The following AFF4 variants were observed in gnomAD, a reference collection of about 807,000 sequenced individuals.
The protein encoded by AFF4 is AF4/FMR2 family member 4.
A neutral mutation model predicts 124.8 loss-of-function variants in AFF4; 13 were observed. That is an observed-to-expected ratio of 0.10 (90% CI 0.07 to 0.17). The LOEUF (loss-of-function observed/expected upper bound fraction) is 0.17. Among genes scored for constraint, AFF4 ranks in the 10% least tolerant of loss-of-function variants. The probability of loss-of-function intolerance (pLI) is 1.00; values close to 1 mark genes in which losing one functional copy is unlikely to be tolerated. For synonymous variants in AFF4, 477 were observed against 496.1 expected, an observed-to-expected ratio of 0.96 and a Z score of 0.51; for missense variants, 1,092 against 1,403.8, an observed-to-expected ratio of 0.78 and a Z score of 3.55.
At chr5:132,907,725 G>A (rs567674357) in intron 5 of AFF4, among the ~76,000 whole-genome samples, 136 of 151,910 alleles carry the variant, frequency 9.0e-4, no homozygotes, top group Non-Finnish European at 1.6e-3. Flanking sequence ...GAAATAAACT[G>A]GGAAAGGAAG....
intron 5 of AFF4, among the ~76,000 whole-genome samples, chr5:132,914,100 T>C (rs1447360849): frequency 2.0e-5 from 3 of 151,678 alleles, no homozygotes; most frequent in African/African-American, 4.8e-5. Flanking sequence ...TGGTAGTGTA[T>C]GCTTGTAATC....
At chr5:132,897,559 A>C (rs1760439815) in intron 10 of AFF4, among the ~76,000 whole-genome samples, 1 of 152,080 alleles carries the variant, frequency 6.6e-6, no homozygotes, top group African/African-American at 2.4e-5. Context: ...AAAATACAAA[A>C]ATTAGTCAGA....
chr5:132,938,041 G>A (rs1761472917), intron 1 of AFF4, among the ~76,000 whole-genome samples: 1 of 151,412 alleles, frequency 6.6e-6, no homozygotes, highest in Non-Finnish European at 1.5e-5. Context: ...CTGGCACTAG[G>A]GATTACCAGG....
intron 10 of AFF4, among the ~76,000 whole-genome samples, chr5:132,897,706 T>C (rs1760444573): frequency 1.3e-5 from 1 of 79,796 alleles, no homozygotes; most frequent in Admixed American, 1.2e-4. Context: ...TAAGACTCCA[T>C]CTTAAAAAAA....
chr5:132,956,786 C>G (rs966096521), intron 1 of AFF4, among the ~76,000 whole-genome samples: 6 of 151,658 alleles, frequency 4.0e-5, no homozygotes, highest in Non-Finnish European at 2.9e-5. Context: ...CTTTGGGAGG[C>G]TGAGGCAGGC....
intron 5 of AFF4, among the ~76,000 whole-genome samples, chr5:132,921,649 T>C (rs746598125): frequency 1.3e-5 from 2 of 152,042 alleles, no homozygotes; most frequent in African/African-American, 4.8e-5. Context: ...GTATTTTTTG[T>C]AGAGATGGGG....
chr5:132,936,222 G>A (rs1481405800), intron 2 of AFF4, among the ~76,000 whole-genome samples: 1 of 126,814 alleles, frequency 7.9e-6, no homozygotes, highest in Non-Finnish European at 1.5e-5. Flanking sequence ...AGCCCAGATC[G>A]CGCCACTGCA....
chr5:132,915,037 T>TAAAAA (rs915281872), intron 5 of AFF4, among the ~76,000 whole-genome samples: 1 of 150,794 alleles, frequency 6.6e-6, no homozygotes, highest in African/African-American at 2.4e-5. Context: ...AACAAACACT[T>TAAAAA]AAAAAAAAAT....
chr5:132,900,418 G>A (rs767500538), intron 7 of AFF4, among the ~76,000 whole-genome samples: 63 of 152,102 alleles, frequency 4.1e-4, no homozygotes, highest in Non-Finnish European at 8.8e-4. Context: ...TTAGCCTGGC[G>A]TGGTGGTGGG....
rs778042412 is a variant in AFF4, at chr5:132,934,963, TA to T, written c.124-23del. On this transcript the variant is annotated intron_variant, in intron 2 of 20. Transcript: ENST00000265343. ...TAGTCTACAAAAAAATAAAATAAAA[TA>T]AAATTATAAAATGAGCATAATCAGA... The T allele has an allele frequency of 1.0e-5, 15 of 1,460,290 alleles. No homozygotes were observed. In the East Asian group the frequency reaches 3.6e-4, roughly 35 times the overall value. The allele number at this position is 1,460,290 out of a possible 1,614,324, so 90.5% of individuals were successfully genotyped here.
chr5:132,958,540 T>C (rs1762011655), intron 1 of AFF4, among the ~76,000 whole-genome samples: 1 of 137,048 alleles, frequency 7.3e-6, no homozygotes, highest in Non-Finnish European at 1.6e-5. Flanking sequence ...ACAACTGGAG[T>C]GGGGTGAAGA....
At position 132,896,909 on chromosome 5, in the gene AFF4, G is replaced by A; in HGVS notation, c.1721C>T (p.Ala574Val). ...KKQPKKAEKA[A>V]AEEPRGGLKI... ...CAGGCCTCCACGAGGCTCTTCAGCAGCTGCCTTCTCAGCCTTTTTGGGTTG... is the reference window on the plus strand; with the variant it reads ...CAGGCCTCCACGAGGCTCTTCAGCAACTGCCTTCTCAGCCTTTTTGGGTTG... The change falls in exon 11 of 21, where the codon GCT (alanine) becomes GTT (valine). Residue 574 changes from alanine (A) to valine (V), a missense_variant. Physicochemically the swap from Ala to Val is moderately conservative, Grantham distance 64. Coordinates refer to ENST00000265343, the MANE Select transcript of AFF4 (RefSeq NM_014423.4). 1.9e-6 allele frequency: 3 copies of A among 1,614,172 alleles called. No individual in the cohort carries two copies. The highest frequency in any genetic ancestry group is 2.5e-6 in the Non-Finnish European group (3 of 1,180,034).
chr5:132,896,327 T>C lies in AFF4; in HGVS notation c.2303A>G (p.His768Arg), dbSNP rs144628972. Residue 768 changes from histidine to arginine, a missense_variant, in exon 11 of 21, where the codon CAT becomes CGT. Physicochemically the swap from His to Arg is conservative, Grantham distance 29 (BLOSUM62 0). This residue lies in a region of AFF4 where 293 missense variants were observed against 280.2 expected (regional missense o/e 1.05). Transcript: ENST00000265343. ...CAACAAAAACCCTTCACAAACCTTATGCTTCCTCTTGCCTTTGTTGGAAAC... is the reference window on the plus strand; with the variant it reads ...CAACAAAAACCCTTCACAAACCTTACGCTTCCTCTTGCCTTTGTTGGAAAC... ...EKVSNKGKRK[H>R]KNEDDNRASE... 3.8e-6 allele frequency: 6 copies of C among 1,586,386 alleles called. No individual in the cohort carries two copies. The highest frequency in any genetic ancestry group is 2.3e-5 in the South Asian group (2 of 85,638).
rs1402658244 is a variant in AFF4, at chr5:132,880,824, A to G, written c.*235T>C. The G allele has an allele frequency of 2.7e-6, 1 of 372,790 alleles. No individual in the cohort carries two copies. Among genetic ancestry groups the G allele is most frequent in the African/African-American group, 2.1e-5 (1 of 48,106 alleles). 23.1% of individuals were successfully genotyped at this position (372,790 alleles called of 1,614,324 possible). Reference sequence around the variant, plus strand: ...AATCTTATCATAGCTCACGGAAACCATCTTATCAATGTGCTGCAGATTTAA... The same window carrying G: ...AATCTTATCATAGCTCACGGAAACCGTCTTATCAATGTGCTGCAGATTTAA... On this transcript the variant is annotated 3_prime_UTR_variant, in exon 21 of 21. Coordinates refer to ENST00000265343, the MANE Select transcript of AFF4 (RefSeq NM_014423.4).
intron 14 of AFF4, 81 bp from the exon 15 acceptor site, chr5:132,888,241 G>C (rs137880200): frequency 9.7e-7 from 1 of 1,027,008 alleles, no homozygotes; most frequent in Non-Finnish European, 1.4e-6. Context: ...GTATCCCTCA[G>C]TTTTTATGTC....
intron 5 of AFF4, among the ~76,000 whole-genome samples, chr5:132,909,183 T>C (rs1370309077): frequency 2.6e-5 from 4 of 151,506 alleles, no homozygotes; most frequent in African/African-American, 4.8e-5. Context: ...TTCATACTTG[T>C]TGCTCAGGCT....
intron 5 of AFF4, among the ~76,000 whole-genome samples, chr5:132,908,771 TA>T (rs1760725651): frequency 3.0e-5 from 3 of 100,866 alleles, no homozygotes; most frequent in South Asian, 2.9e-4. Flanking sequence ...TATATATATA[TA>T]TATATTTTTT....
At chr5:132,943,665 GA>G in intron 1 of AFF4, 1 of 234,560 alleles carries the variant, frequency 4.3e-6, no homozygotes. Flanking sequence ...TTTTTCCTGG[GA>G]ACAATGGGGG....
At chr5:132,897,966 T>A (rs1487171816) in intron 10 of AFF4, among the ~76,000 whole-genome samples, 3 of 152,216 alleles carry the variant, frequency 2.0e-5, no homozygotes, top group Non-Finnish European at 4.4e-5. Flanking sequence ...ATTACCATGT[T>A]GAGTCATAAA....
Sources: allele counts gnomAD v4.1 joint callset (sites outside exome capture counted in the v4.1 genomes callset), GRCh38; gene constraint gnomAD v4.1.1; regional missense constraint gnomAD v4.1.1; transcripts MANE v1.5; gene names NCBI Gene and HGNC (gene_info 2026-07-23, HGNC 2026-07-21).